FMO2: variants seen among roughly 807,000 people sequenced by gnomAD.
The protein encoded by FMO2 is flavin-containing monooxygenase 2.
Under a neutral mutation model 41.6 loss-of-function variants are expected in FMO2, and 33 were observed. The ratio of observed to expected loss-of-function variants is 0.79; its 90% CI spans 0.60 to 1.06. FMO2 has a LOEUF of 1.06. Ranked by LOEUF, FMO2 falls within the 50% of genes least tolerant of loss-of-function variation. The probability of loss-of-function intolerance (pLI) is 0.00; values close to 1 mark genes in which losing one functional copy is unlikely to be tolerated. For synonymous variants in FMO2, 214 were observed against 219.6 expected, an observed-to-expected ratio of 0.97 and a Z score of 0.23; for missense variants, 619 against 632.9, an observed-to-expected ratio of 0.98 and a Z score of 0.23.
chr1:171,205,144 C>A (rs538236476), intron 6 of FMO2, 135 bp from the exon 7 acceptor site: 3 of 569,984 alleles, frequency 5.3e-6, no homozygotes, highest in African/African-American at 3.7e-5. Flanking sequence ...TTTGCACAGA[C>A]AACCAGTTAA....
chr1:171,188,040 T>TC (rs1557973122), intron 2 of FMO2, among the ~76,000 whole-genome samples: 1 of 116,812 alleles, frequency 8.6e-6, no homozygotes, highest in African/African-American at 4.6e-5. Context: ...ATTTTTTTTT[T>TC]TTTTTTTTTT....
At chr1:171,190,156 A>G (rs894068911) in intron 2 of FMO2, among the ~76,000 whole-genome samples, 2 of 152,170 alleles carry the variant, frequency 1.3e-5, no homozygotes, top group African/African-American at 4.8e-5. Flanking sequence ...TCCTCACTTG[A>G]GTAGATTAAA....
rs1360026767 is a variant in FMO2, at chr1:171,205,507, G to A, written c.1056G>A (p.Leu352=). Residue 352 remains leucine (L), a synonymous_variant, in exon 7 of 9, where the codon CTG becomes CTA. Coordinates refer to ENST00000209929, the MANE Select transcript of FMO2 (RefSeq NM_001460.5). ...LVKVENNMVS[L]YKYIFPAHLD... is the part of the protein sequence containing the mutation. Reference sequence around the variant, plus strand: ...AAGTAGAGAATAATATGGTCTCACTGTATAAATACATATTCCCCGCTCACC... The same window carrying A: ...AAGTAGAGAATAATATGGTCTCACTATATAAATACATATTCCCCGCTCACC... The A allele has an allele frequency of 6.2e-7, 1 of 1,613,794 alleles. No homozygotes were observed. Among genetic ancestry groups the A allele is most frequent in the Non-Finnish European group, 8.5e-7 (1 of 1,179,814 alleles).
chr1:171,188,757 G>A (rs1026441605), intron 2 of FMO2, among the ~76,000 whole-genome samples: 5 of 152,124 alleles, frequency 3.3e-5, no homozygotes, highest in African/African-American at 1.2e-4. Context: ...CATATTTGGT[G>A]GTGACAAGTT....
At chr1:171,208,390 G>T (rs796587070) in intron 8 of FMO2, among the ~76,000 whole-genome samples, 40 of 152,288 alleles carry the variant, frequency 2.6e-4, no homozygotes, top group African/African-American at 9.4e-4. Flanking sequence ...CATCCAGACT[G>T]CCAGGTACTT....
rs201117027 is a variant in FMO2 at position 171,199,573 on chromosome 1, T to TC, written c.627+87dup. On this transcript the variant is annotated intron_variant, in intron 5 of 8. Transcript: ENST00000209929. Reference sequence around the variant, plus strand: ...AGAACCCCAGCCATATAATCGCGGCTCCAATCCTCATTAACTAGTTGGTTG... The same window carrying TC: ...AGAACCCCAGCCATATAATCGCGGCTCCCAATCCTCATTAACTAGTTGGTTG... 1,874 of 1,332,408 alleles carry TC rather than the reference T, an allele frequency of 1.4e-3. 23 individuals carry two copies. In the African/African-American group the frequency reaches 0.022, roughly 16 times the overall value. The allele number at this position is 1,332,408 out of a possible 1,614,324, so 82.5% of individuals were successfully genotyped here. A position where few individuals can be genotyped will look rare whatever the true frequency, so the allele number is the denominator to read the frequency against.
chr1:171,194,594 C>G (rs1008712674), intron 3 of FMO2, among the ~76,000 whole-genome samples: 1 of 152,080 alleles, frequency 6.6e-6, no homozygotes, highest in African/African-American at 2.4e-5. Context: ...TCTGTCTCTA[C>G]AAAAAATTTT....
intron 2 of FMO2, among the ~76,000 whole-genome samples, chr1:171,190,898 C>A (rs372810730): frequency 1.3e-5 from 2 of 152,186 alleles, no homozygotes; most frequent in Non-Finnish European, 2.9e-5. Flanking sequence ...GTAATCCCAG[C>A]ACTTTGGGAG....
intron 2 of FMO2, among the ~76,000 whole-genome samples, chr1:171,191,507 G>T (rs1323332393): frequency 6.6e-6 from 1 of 152,158 alleles, no homozygotes; most frequent in African/African-American, 2.4e-5. Flanking sequence ...TGTATTTTGA[G>T]CCAGGGATTC....
At chr1:171,197,303 G>A (rs1045115331) in intron 4 of FMO2, among the ~76,000 whole-genome samples, 1 of 152,162 alleles carries the variant, frequency 6.6e-6, no homozygotes, top group Non-Finnish European at 1.5e-5. Flanking sequence ...TCTTTCCCAA[G>A]GCCCTTAGGA....
At position 171,209,394 on chromosome 1, in the gene FMO2, T is replaced by A; in HGVS notation, c.*249T>A. On this transcript the variant is annotated 3_prime_UTR_variant, in exon 9 of 9. Coordinates refer to ENST00000209929, the MANE Select transcript of FMO2 (RefSeq NM_001460.5). ...AAAGTTACCAAAATGTAAAATAAAATAAGACTGGCTCAGGTAAGTAGTGCT... is the reference window on the plus strand; with the variant it reads ...AAAGTTACCAAAATGTAAAATAAAAAAAGACTGGCTCAGGTAAGTAGTGCT... The A allele has an allele frequency of 3.0e-6, 1 of 330,644 alleles. No individual in the cohort carries two copies. Among genetic ancestry groups the A allele is most frequent in the Non-Finnish European group, 5.4e-6 (1 of 185,024 alleles). 20.5% of individuals were successfully genotyped at this position (330,644 alleles called of 1,614,324 possible).
chr1:171,189,752 G>A (rs1204937316), intron 2 of FMO2, among the ~76,000 whole-genome samples: 3 of 142,808 alleles, frequency 2.1e-5, no homozygotes, highest in East Asian at 2.2e-4. Flanking sequence ...TCCATCCCCC[G>A]GGTTCAAGCG....
chr1:171,196,954 A>G, intron 4 of FMO2, 143 bp downstream of exon 4: 1 of 665,390 alleles, frequency 1.5e-6, no homozygotes, highest in Non-Finnish European at 2.5e-6. Context: ...AAGATGAAAG[A>G]CACCAAACAT....
At chr1:171,190,340 A>G (rs1658029333) in intron 2 of FMO2, among the ~76,000 whole-genome samples, 1 of 152,224 alleles carries the variant, frequency 6.6e-6, no homozygotes, top group African/African-American at 2.4e-5. Flanking sequence ...TCTATATTAG[A>G]AGAATTCTTT....
chr1:171,188,479 T>C (rs1657945430), intron 2 of FMO2, among the ~76,000 whole-genome samples: 1 of 152,206 alleles, frequency 6.6e-6, no homozygotes, highest in African/African-American at 2.4e-5. Context: ...TGTAAACTAT[T>C]GTCTCCACTC....
chr1:171,205,397 G>T lies in FMO2; in HGVS notation c.946G>T (p.Gly316Ter). 1.2e-6 allele frequency: 2 copies of T among 1,613,814 alleles called. No homozygotes were observed. The highest frequency in any genetic ancestry group is 1.7e-6 in the Non-Finnish European group (2 of 1,179,786). The stretch of plus-strand genomic sequence containing the variant: ...AGAAACTTCTGCCATCTTTGAGGAT[G>T]GAACAGTGGAGGAGAACATTGATGT... Reference protein sequence around the residue: ...LTETSAIFEDGTVEENIDVII... With the variant: ...LTETSAIFED The change falls in exon 7 of 9, where the codon GGA becomes TGA. Residue 316 changes from glycine to a stop codon, truncating the protein, a stop_gained. Coordinates refer to ENST00000209929, the MANE Select transcript of FMO2 (RefSeq NM_001460.5). LOFTEE classifies it high-confidence loss of function.
chr1:171,185,635 C>T (rs1254273184), intron 1 of FMO2, 73 bp from the exon 2 acceptor site: 1 of 1,482,338 alleles, frequency 6.7e-7, no homozygotes, highest in African/African-American at 1.4e-5. Context: ...AAGCCAATTA[C>T]CTGAGCACAT....
chr1:171,203,323 TCACACACACACACA>T (rs10628039), intron 5 of FMO2, among the ~76,000 whole-genome samples: 6 of 144,058 alleles, frequency 4.2e-5, no homozygotes, highest in Non-Finnish European at 9.1e-5. Flanking sequence ...AGACCCTGTC[TCACACACACACACA>T]CACACACACA....
intron 5 of FMO2, among the ~76,000 whole-genome samples, chr1:171,202,881 G>A (rs1259809750): frequency 6.6e-6 from 1 of 152,138 alleles, no homozygotes; most frequent in Non-Finnish European, 1.5e-5. Flanking sequence ...TTTGGCCAAT[G>A]GGGGAGTAAC....
Sources: allele counts gnomAD v4.1 joint callset (sites outside exome capture counted in the v4.1 genomes callset), GRCh38; gene constraint gnomAD v4.1.1; transcripts MANE v1.5; gene names NCBI Gene and HGNC (gene_info 2026-07-23, HGNC 2026-07-21).